YKT6: variants seen among roughly 807,000 people sequenced by gnomAD.
YKT6 encodes the protein synaptobrevin homolog YKT6.
In YKT6, 12 loss-of-function variants were observed where a neutral mutation model predicts 29.3. That is an observed-to-expected ratio of 0.41 (90% CI 0.26 to 0.66). The LOEUF is 0.66. Ranked by LOEUF, YKT6 falls within the 30% of genes least tolerant of loss-of-function variation. YKT6 has a pLI of 0.32. For synonymous variants in YKT6, 86 were observed against 94.3 expected (o/e 0.91, Z 0.51); for missense variants, 188 against 243.8 (o/e 0.77, Z 1.52).
chr7:44,203,075 A>G (rs540887996), intron 1 of YKT6, among the ~76,000 whole-genome samples: 1 of 152,292 alleles, frequency 6.6e-6, no homozygotes, highest in African/African-American at 2.4e-5. Context: ...AAAACAACAC[A>G]TGTCCCAGCT....
chr7:44,204,037 G>A (rs1383822633), intron 1 of YKT6, among the ~76,000 whole-genome samples: 1 of 152,168 alleles, frequency 6.6e-6, no homozygotes, highest in Non-Finnish European at 1.5e-5. Flanking sequence ...GTTCCATCCA[G>A]AGTGTCTTGC....
chr7:44,212,505 T>C lies in YKT6; in HGVS notation c.*223T>C. On this transcript the variant is annotated 3_prime_UTR_variant, in exon 7 of 7. Transcript: ENST00000223369. ...GGAAAGAATTTGAGGTCCCCAAAGG[T>C]GTATTTTTGGGCAAATGAAACCATA... The C allele has an allele frequency of 1.9e-6, 1 of 529,654 alleles. No homozygotes were observed. Among genetic ancestry groups the C allele is most frequent in the South Asian group, 3.5e-5 (1 of 28,470 alleles). The allele number at this position is 529,654 out of a possible 1,614,324, so 32.8% of individuals were successfully genotyped here. A position where few individuals can be genotyped will look rare whatever the true frequency, so the allele number is the denominator to read the frequency against.
intron 2 of YKT6, 58 bp downstream of exon 2, chr7:44,204,708 A>AC: frequency 6.4e-7 from 1 of 1,550,696 alleles, no homozygotes; most frequent in Non-Finnish European, 8.9e-7. Context: ...GCCTCACCTC[A>AC]CATAGCACCC....
At chr7:44,211,524 G>A in intron 6 of YKT6, 1 of 1,011,454 alleles carries the variant, frequency 9.9e-7, no homozygotes, top group African/African-American at 1.7e-5. Context: ...TCCTGAAGAG[G>A]TTCTTAAGCT....
At chr7:44,210,827 C>T (rs555715178) in intron 5 of YKT6, 196 bp from the exon 6 acceptor site, 64 of 645,160 alleles carry the variant, frequency 9.9e-5, no homozygotes, top group South Asian at 6.2e-4. Flanking sequence ...CTAGATTTCA[C>T]GGGAATGTCA....
intron 1 of YKT6, 70 bp downstream of exon 1, chr7:44,201,309 T>A: frequency 1.1e-6 from 1 of 948,458 alleles, no homozygotes; most frequent in Non-Finnish European, 1.4e-6. Context: ...CGAGTCGGAG[T>A]GGGCCTGGGG....
At chr7:44,210,309 G>A (rs925013210) in intron 5 of YKT6, among the ~76,000 whole-genome samples, 1 of 152,054 alleles carries the variant, frequency 6.6e-6, no homozygotes, top group Non-Finnish European at 1.5e-5. Flanking sequence ...GGCTCTGAGT[G>A]TCTGTCCCAG....
rs1372319498 is a variant in YKT6 at position 44,214,221 on chromosome 7, T to A, written c.*1939T>A. The A allele has an allele frequency of 6.6e-6, 1 of 152,286 alleles. No homozygotes were observed. Among genetic ancestry groups the A allele is most frequent in the Non-Finnish European group, 1.5e-5 (1 of 68,084 alleles). 9.4% of individuals were successfully genotyped at this position (152,286 alleles called of 1,614,324 possible). ...TAAATCATTTGGCGAGACTGTATTT[T>A]AGTAACTGCTGCCTAACTTCCCTGT... On this transcript the variant is annotated 3_prime_UTR_variant, in exon 7 of 7. Transcript: ENST00000223369.
chr7:44,211,142 GCT>G lies in YKT6; in HGVS notation c.561+19_561+20del. 1 of 1,606,880 alleles carries G rather than the reference GCT, an allele frequency of 6.2e-7. No individual in the cohort carries two copies. The highest frequency in any genetic ancestry group is 8.5e-7 in the Non-Finnish European group (1 of 1,174,514). ...ATAAAACTGTGAGTACCCAGCACCT[GCT>G]GCCTCCTGGGTGTTCTCTCTAGAGA... On this transcript the variant is annotated intron_variant, in intron 6 of 6. Coordinates refer to ENST00000223369, the MANE Select transcript of YKT6 (RefSeq NM_006555.4).
intron 6 of YKT6, 126 bp downstream of exon 6, chr7:44,211,250 T>A: frequency 1.1e-6 from 1 of 916,110 alleles, no homozygotes; most frequent in Non-Finnish European, 1.6e-6. Flanking sequence ...GGATGATTCC[T>A]TGTGCGGCAA....
At chr7:44,203,717 T>C (rs1055347125) in intron 1 of YKT6, among the ~76,000 whole-genome samples, 1 of 152,202 alleles carries the variant, frequency 6.6e-6, no homozygotes, top group African/African-American at 2.4e-5. Flanking sequence ...GTTGCACAAA[T>C]CTTGATTTTT....
intron 5 of YKT6, among the ~76,000 whole-genome samples, chr7:44,210,554 G>C (rs1256932409): frequency 6.6e-6 from 1 of 152,174 alleles, no homozygotes; most frequent in Admixed American, 6.5e-5. Flanking sequence ...GAGATTCTGG[G>C]GATGTTAATT....
intron 2 of YKT6, 121 bp from the exon 3 acceptor site, chr7:44,206,264 A>C: frequency 1.1e-6 from 1 of 934,870 alleles, no homozygotes; most frequent in East Asian, 2.6e-5. Context: ...ACTTGCCCAG[A>C]GCTATTGAGC....
At chr7:44,205,167 G>A (rs1384259334) in intron 2 of YKT6, among the ~76,000 whole-genome samples, 3 of 152,328 alleles carry the variant, frequency 2.0e-5, no homozygotes, top group South Asian at 4.1e-4. Flanking sequence ...CTAACCTCAA[G>A]TCACGTGACA....
intron 2 of YKT6, among the ~76,000 whole-genome samples, chr7:44,205,238 C>T (rs142628332): frequency 7.2e-5 from 11 of 152,182 alleles, no homozygotes; most frequent in Admixed American, 2.6e-4. Flanking sequence ...TGACTATATA[C>T]ACTTTATGTG....
chr7:44,208,403 C>G (rs2096343237), intron 5 of YKT6: 1 of 538,296 alleles, frequency 1.9e-6, no homozygotes, highest in East Asian at 3.3e-5. Context: ...CCCATTGTTT[C>G]TAGGGGACCA....
At position 44,206,455 on chromosome 7, in the gene YKT6, A is replaced by G. The variant is rs2096341000; in HGVS notation, c.258A>G (p.Pro86=). 3 of 1,614,090 alleles carry G rather than the reference A, an allele frequency of 1.9e-6. No homozygotes were observed. Among genetic ancestry groups the G allele is most frequent in the Non-Finnish European group, 2.5e-6 (3 of 1,180,040 alleles). ...TGGTCATTGCTGACAATGAATACCC[A>G]TCCCGGGTGGCCTTTACCTTGCTGG... ...AGVVIADNEY[P]SRVAFTLLEK... The change falls in exon 3 of 7, where the codon CCA becomes CCG. Residue 86 remains proline, a synonymous_variant. Coordinates refer to ENST00000223369, the MANE Select transcript of YKT6 (RefSeq NM_006555.4).
intron 1 of YKT6, among the ~76,000 whole-genome samples, chr7:44,202,774 T>C (rs533787596): frequency 6.6e-6 from 1 of 152,362 alleles, no homozygotes; most frequent in South Asian, 2.1e-4. Context: ...TTTTTTGGTA[T>C]TTACCCAGAA....
intron 6 of YKT6, chr7:44,211,679 T>A (rs1050447368): frequency 1.1e-6 from 1 of 947,298 alleles, no homozygotes; most frequent in Non-Finnish European, 1.3e-6. Flanking sequence ...ACAAATTTAC[T>A]TGGTCTGTCC....
Sources: gnomAD v4.1 joint callset for allele counts (sites outside exome capture counted in the v4.1 genomes callset) on GRCh38, gnomAD v4.1.1 for gene constraint, MANE v1.5 for transcripts, NCBI Gene and HGNC (gene_info 2026-07-23, HGNC 2026-07-21) for gene names.